Variants in NUP155 observed in about 807,000 individuals in gnomAD.
NUP155 encodes nuclear pore complex protein Nup155.
Under a neutral mutation model 180.4 loss-of-function variants are expected in NUP155, and 71 were observed. The ratio of observed to expected loss-of-function variants is 0.39; its 90% CI spans 0.33 to 0.48. The LOEUF is 0.48. Ranked by LOEUF, NUP155 falls within the 20% of genes least tolerant of loss-of-function variation. NUP155 has a pLI of 0.91. For missense variants in NUP155, 1,553 were observed against 1,648.9 expected (o/e 0.94, Z 1.01); for synonymous variants, 582 against 559.5 (o/e 1.04, Z -0.57).
intron 18 of NUP155, chr5:37,327,310 A>G (rs1279510401): frequency 5.7e-6 from 2 of 348,912 alleles, no homozygotes; most frequent in East Asian, 1.4e-4. Flanking sequence ...TAATTAAGAA[A>G]GTCAAAAGTT....
At chr5:37,353,674 G>A (rs1746620177) in intron 4 of NUP155, among the ~76,000 whole-genome samples, 1 of 152,144 alleles carries the variant, frequency 6.6e-6, no homozygotes, top group Non-Finnish European at 1.5e-5. Flanking sequence ...TAAATAAAAT[G>A]AGCCAGTCAC....
intron 20 of NUP155, among the ~76,000 whole-genome samples, chr5:37,323,240 GA>G (rs1744365490): frequency 2.0e-5 from 3 of 152,198 alleles, no homozygotes; most frequent in Non-Finnish European, 4.4e-5. Flanking sequence ...AGCCAAGTTG[GA>G]GCCTTCGTAC....
rs759041363 is a variant in NUP155, at chr5:37,305,172, T to C, written c.2942A>G (p.Glu981Gly). ...AGCGGCCTTACTTTGATTTACCAGTTCTTGAAGTGTGTCTGTAATGCATTT... is the reference window on the plus strand; with the variant it reads ...AGCGGCCTTACTTTGATTTACCAGTCCTTGAAGTGTGTCTGTAATGCATTT... ...SYKCITDTLQ[E>G]LVNQSKAAPQ... The change falls in exon 26 of 35, where the codon GAA (glutamate) becomes GGA (glycine). Residue 981 changes from glutamate to glycine, a missense_variant. Transcript: ENST00000231498. The C allele has an allele frequency of 3.1e-6, 5 of 1,613,612 alleles. No individual in the cohort carries two copies. The highest frequency in any genetic ancestry group is 4.2e-6 in the Non-Finnish European group (5 of 1,179,762).
At chr5:37,326,418 C>T (rs1744604088) in intron 18 of NUP155, among the ~76,000 whole-genome samples, 1 of 152,106 alleles carries the variant, frequency 6.6e-6, no homozygotes, top group Non-Finnish European at 1.5e-5. Flanking sequence ...GATGTCTCTC[C>T]CCTAAAAGGT....
chr5:37,361,509 T>C (rs571408049), intron 3 of NUP155, among the ~76,000 whole-genome samples: 1 of 152,202 alleles, frequency 6.6e-6, no homozygotes, highest in African/African-American at 2.4e-5. Context: ...TGGCAACTTA[T>C]GCGGACTAGG....
At chr5:37,293,016 G>T in intron 33 of NUP155, 31 bp from the exon 34 acceptor site, 1 of 1,359,904 alleles carries the variant, frequency 7.4e-7, no homozygotes, top group Non-Finnish European at 1.1e-6. Flanking sequence ...TGAAATGTGA[G>T]GCAAATTGTG....
intron 9 of NUP155, among the ~76,000 whole-genome samples, chr5:37,343,343 G>C (rs993088244): frequency 6.6e-6 from 1 of 152,144 alleles, no homozygotes; most frequent in African/African-American, 2.4e-5. Context: ...CAAAGTGCTG[G>C]CATTACAGGT....
chr5:37,336,809 T>TC (rs1270378457), intron 12 of NUP155, among the ~76,000 whole-genome samples: 2 of 152,128 alleles, frequency 1.3e-5, no homozygotes, highest in African/African-American at 4.8e-5. Context: ...CAGACAATAC[T>TC]CCCATCCCTG....
chr5:37,305,007 GA>G, intron 26 of NUP155, 49 bp downstream of exon 26: 1 of 1,597,192 alleles, frequency 6.3e-7, no homozygotes, highest in Non-Finnish European at 8.6e-7. Flanking sequence ...TTACCATGGA[GA>G]ACTTCTAAAC....
intron 22 of NUP155, among the ~76,000 whole-genome samples, chr5:37,312,721 C>T (rs1561776333): frequency 6.6e-6 from 1 of 152,022 alleles, no homozygotes; most frequent in African/African-American, 2.4e-5. Flanking sequence ...ACCAGCTACT[C>T]GGGAGGCTAA....
At chr5:37,342,970 C>T (rs1745833829) in intron 9 of NUP155, among the ~76,000 whole-genome samples, 1 of 152,146 alleles carries the variant, frequency 6.6e-6, no homozygotes, top group Admixed American at 6.5e-5. Context: ...CTCCTGACCT[C>T]GCGTGAGCGT....
At chr5:37,354,036 T>G (rs1746644531) in intron 4 of NUP155, among the ~76,000 whole-genome samples, 1 of 152,146 alleles carries the variant, frequency 6.6e-6, no homozygotes, top group African/African-American at 2.4e-5. Flanking sequence ...AAATAAAACT[T>G]ACACCTATAG....
chr5:37,362,853 G>T (rs1465734989), intron 3 of NUP155, among the ~76,000 whole-genome samples: 1 of 152,088 alleles, frequency 6.6e-6, no homozygotes, highest in African/African-American at 2.4e-5. Context: ...AAATGGTTTC[G>T]TTTAAGCTAT....
intron 1 of NUP155, among the ~76,000 whole-genome samples, chr5:37,365,359 C>G (rs751546080): frequency 3.9e-5 from 6 of 152,054 alleles, no homozygotes; most frequent in African/African-American, 1.4e-4. Context: ...CCCATTTTCC[C>G]TGATGTGATC....
At chr5:37,313,848 A>G (rs1315785528) in intron 22 of NUP155, among the ~76,000 whole-genome samples, 1 of 152,136 alleles carries the variant, frequency 6.6e-6, no homozygotes, top group African/African-American at 2.4e-5. Flanking sequence ...ATTATAAGCA[A>G]AAGTCTGTGT....
At position 37,289,764 on chromosome 5, in the gene NUP155, C is replaced by A. The variant is rs1742156525; in HGVS notation, c.*2136G>T. The A allele has an allele frequency of 6.6e-6, 1 of 152,112 alleles. No homozygotes were observed. Among genetic ancestry groups the A allele is most frequent in the Non-Finnish European group, 1.5e-5 (1 of 68,010 alleles). 9.4% of individuals were successfully genotyped at this position (152,112 alleles called of 1,614,324 possible). ...TGCTAGTATGTAAATGTGCTTAAAA[C>A]AAAAATGAAGTTCTTATCTCTAGCA... is the stretch of plus-strand genomic sequence containing the variant. On this transcript the variant is annotated 3_prime_UTR_variant, in exon 35 of 35. Coordinates refer to ENST00000231498, the MANE Select transcript of NUP155 (RefSeq NM_153485.3).
intron 1 of NUP155, among the ~76,000 whole-genome samples, chr5:37,367,201 T>C (rs1435930138): frequency 6.6e-6 from 1 of 151,930 alleles, no homozygotes; most frequent in African/African-American, 2.4e-5. Context: ...CATGACACCA[T>C]GCCTAGCTAA....
chr5:37,309,241 T>C lies in NUP155; in HGVS notation c.2655A>G (p.Arg885=), dbSNP rs1743372386. The C allele has an allele frequency of 6.2e-7, 1 of 1,612,658 alleles. No individual in the cohort carries two copies. The highest frequency in any genetic ancestry group is 1.3e-5 in the African/African-American group (1 of 75,006). The part of the protein sequence containing the change: ...SKANELLQRS[R]QVQNKTEKER... ...CTTTTTCAGTCTTATTTTGAACTTG[T>C]CGGGAACGCTGGAGAAGCTCATTTG... Residue 885 remains arginine, a synonymous_variant, in exon 24 of 35, where the codon CGA becomes CGG. Transcript: ENST00000231498.
In NUP155 at chr5:37,337,878, A is replaced by G; in HGVS notation, c.1287T>C (p.Asp429=). The G allele has an allele frequency of 6.2e-7, 1 of 1,611,350 alleles. No individual in the cohort carries two copies. The highest frequency in any genetic ancestry group is 8.5e-7 in the Non-Finnish European group (1 of 1,178,584). The change falls in exon 12 of 35, where the codon GAT becomes GAC. Residue 429 remains aspartate (D), a synonymous_variant. Coordinates refer to ENST00000231498, the MANE Select transcript of NUP155 (RefSeq NM_153485.3). The part of the protein sequence containing the change: ...LMAASENEDN[D]ILWCVNHDTF... ...TATCATGGTTGACACACCATAAAAT[A>G]TCATTATCCTCATTTTCTGAGGCTG...
Sources: gnomAD v4.1 joint callset for allele counts (sites outside exome capture counted in the v4.1 genomes callset) on GRCh38, gnomAD v4.1.1 for gene constraint, MANE v1.5 for transcripts, NCBI Gene and HGNC (gene_info 2026-07-23, HGNC 2026-07-21) for gene names.